The following XPNPEP1 variants were observed in gnomAD, a reference collection of about 807,000 sequenced individuals.
The protein encoded by XPNPEP1 is xaa-Pro aminopeptidase 1.
A neutral mutation model predicts 92.4 loss-of-function variants in XPNPEP1; 39 were observed. The observed-to-expected ratio is 0.42, with a 90% confidence interval of 0.33 to 0.55. The LOEUF (loss-of-function observed/expected upper bound fraction) is 0.55, where lower values mean the gene tolerates loss of function less well. Ranked by LOEUF, XPNPEP1 falls within the 20% of genes least tolerant of loss-of-function variation. The pLI is 0.08. For synonymous variants in XPNPEP1, 307 were observed against 299.4 expected, an observed-to-expected ratio of 1.03 and a Z score of -0.26; for missense variants, 654 against 856.1, an observed-to-expected ratio of 0.76 and a Z score of 2.95.
At chr10:109,899,458 G>A (rs964622825) in intron 3 of XPNPEP1, among the ~76,000 whole-genome samples, 1 of 152,084 alleles carries the variant, frequency 6.6e-6, no homozygotes, top group African/African-American at 2.4e-5. Context: ...CACCAACCAG[G>A]AACACCCACT....
chr10:109,922,812 C>A (rs1401889210), intron 1 of XPNPEP1, among the ~76,000 whole-genome samples: 1 of 152,224 alleles, frequency 6.6e-6, no homozygotes, highest in Non-Finnish European at 1.5e-5. Flanking sequence ...CCCTCCTATG[C>A]CCAAGGAGAG....
intron 10 of XPNPEP1, among the ~76,000 whole-genome samples, chr10:109,881,446 G>T (rs901697967): frequency 4.6e-5 from 7 of 152,288 alleles, no homozygotes; most frequent in African/African-American, 1.7e-4. Context: ...TTTCCAATTT[G>T]AGAACAAGTT....
intron 17 of XPNPEP1, 56 bp downstream of exon 17, chr10:109,871,736 T>C (rs1230638074): frequency 6.3e-7 from 1 of 1,575,244 alleles, no homozygotes. Flanking sequence ...AACATAGACA[T>C]ATTTGATTCT....
intron 12 of XPNPEP1, among the ~76,000 whole-genome samples, chr10:109,879,431 G>A (rs569041044): frequency 8.3e-4 from 126 of 151,216 alleles, no homozygotes; most frequent in African/African-American, 2.9e-3. Context: ...TTAGCCAGGC[G>A]CAGTGGCAGG....
At chr10:109,875,728 A>G (rs770223358) in intron 14 of XPNPEP1, 129 bp from the exon 15 acceptor site, 1 of 662,854 alleles carries the variant, frequency 1.5e-6, no homozygotes, top group Non-Finnish European at 2.5e-6. Flanking sequence ...ATCAAAATAG[A>G]AAGTTATGCA....
In XPNPEP1 at chr10:109,872,499, G is replaced by A. The variant is rs148434566; in HGVS notation, c.1453-638C>T. 6.0e-4 allele frequency among the ~76,000 whole-genome samples: 91 copies of A among 152,346 alleles called. 1 individual carries two copies. The highest frequency in any genetic ancestry group is 2.0e-3 in the African/African-American group (82 of 41,586). Reference sequence around the variant, plus strand: ...AAACTCCATGCTCCTCAGCCTGGTTGAGCTCTTTGAAAAGCACAAAAAGAG... The same window carrying A: ...AAACTCCATGCTCCTCAGCCTGGTTAAGCTCTTTGAAAAGCACAAAAAGAG... On this transcript the variant is annotated intron_variant, in intron 16 of 20. Transcript: ENST00000502935.
chr10:109,923,486 C>G lies in XPNPEP1; in HGVS notation c.-53G>C. On this transcript the variant is annotated 5_prime_UTR_variant, in exon 1 of 21. Transcript: ENST00000502935. ...CAGGGGAGCGCAGACCAGCTGATCA[C>G]CCGCGGAAGGGCCGGCGCGAAGGAG... 1.5e-6 allele frequency: 2 copies of G among 1,340,276 alleles called. 1 individual carries two copies. The highest frequency in any genetic ancestry group is 5.9e-5 in the Admixed American group (2 of 33,828). The allele number at this position is 1,340,276 out of a possible 1,614,324, so 83.0% of individuals were successfully genotyped here.
intron 3 of XPNPEP1, among the ~76,000 whole-genome samples, chr10:109,901,318 GT>G (rs1275449866): frequency 8.6e-5 from 13 of 151,314 alleles, no homozygotes; most frequent in African/African-American, 2.9e-4. Flanking sequence ...TAAATGATGA[GT>G]TAATGGGTGC....
At chr10:109,874,112 G>A (rs1410007524) in intron 15 of XPNPEP1, among the ~76,000 whole-genome samples, 3 of 152,202 alleles carry the variant, frequency 2.0e-5, no homozygotes, top group African/African-American at 7.2e-5. Context: ...TTTTAAGTGG[G>A]TGAATTACAT....
intron 1 of XPNPEP1, among the ~76,000 whole-genome samples, chr10:109,921,356 T>C (rs1359697315): frequency 6.6e-6 from 1 of 152,204 alleles, no homozygotes; most frequent in African/African-American, 2.4e-5. Flanking sequence ...TTCTTCGACC[T>C]ACACCTTCTC....
At chr10:109,911,393 A>T (rs1438507732) in intron 2 of XPNPEP1, among the ~76,000 whole-genome samples, 2 of 152,132 alleles carry the variant, frequency 1.3e-5, no homozygotes, top group Non-Finnish European at 2.9e-5. Context: ...CTACAGGTAC[A>T]CACCACCACA....
At chr10:109,893,108 C>T (rs368689037) in intron 3 of XPNPEP1, 33 bp from the exon 4 acceptor site, 1 of 1,600,990 alleles carries the variant, frequency 6.2e-7, no homozygotes, top group Non-Finnish European at 8.5e-7. Flanking sequence ...AAGTGGGCCT[C>T]GATCAGTCAT....
intron 13 of XPNPEP1, 29 bp downstream of exon 13, chr10:109,877,971 C>T: frequency 6.2e-7 from 1 of 1,614,216 alleles, no homozygotes; most frequent in Middle Eastern, 1.6e-4. Flanking sequence ...CAGCACGAGG[C>T]TCCTGGGTCC....
chr10:109,913,099 A>G (rs1849970853), intron 2 of XPNPEP1, among the ~76,000 whole-genome samples: 1 of 152,254 alleles, frequency 6.6e-6, no homozygotes, highest in East Asian at 1.9e-4. Context: ...ATTAGCCCAT[A>G]CACTGCCAGG....
rs746538936 is a variant in XPNPEP1, at chr10:109,881,557, A to T, written c.1042-626T>A. Among the ~76,000 whole-genome samples the T allele has an allele frequency of 3.3e-5, 5 of 152,254 alleles. No individual in the cohort carries two copies. The East Asian group carries it at 5.8e-4, about 18-fold the overall frequency. On this transcript the variant is annotated intron_variant, in intron 10 of 20. Transcript: ENST00000502935. Reference sequence around the variant, plus strand: ...CTTTTCTCTTTCTCTCCAGAGAGAGAGGAGAGAGAGAGAGGAGGAGTCACA... The same window carrying T: ...CTTTTCTCTTTCTCTCCAGAGAGAGTGGAGAGAGAGAGAGGAGGAGTCACA...
intron 2 of XPNPEP1, among the ~76,000 whole-genome samples, chr10:109,914,496 C>T (rs1227968433): frequency 1.3e-5 from 2 of 151,954 alleles, no homozygotes; most frequent in East Asian, 3.9e-4. Context: ...AACTTACTAC[C>T]TTAAAAAAAA....
chr10:109,913,526 A>C (rs550867270), intron 2 of XPNPEP1, among the ~76,000 whole-genome samples: 4 of 152,356 alleles, frequency 2.6e-5, no homozygotes, highest in African/African-American at 9.6e-5. Context: ...AGGGCTTTAC[A>C]TACATTAGTG....
At chr10:109,907,902 C>T (rs1352871365) in intron 2 of XPNPEP1, 87 bp from the exon 3 acceptor site, 1 of 1,561,144 alleles carries the variant, frequency 6.4e-7, no homozygotes, top group African/African-American at 1.3e-5. Context: ...AGAGAAGTGC[C>T]TTCTACGTTC....
chr10:109,896,432 CCTT>C (rs1848995844), intron 3 of XPNPEP1, among the ~76,000 whole-genome samples: 1 of 73,076 alleles, frequency 1.4e-5, no homozygotes, highest in Non-Finnish European at 2.7e-5. Flanking sequence ...CAGGCACACA[CCTT>C]TTTTTTTTTT....
Sources: allele counts gnomAD v4.1 joint callset (sites outside exome capture counted in the v4.1 genomes callset), GRCh38; gene constraint gnomAD v4.1.1; transcripts MANE v1.5; gene names NCBI Gene and HGNC (gene_info 2026-07-23, HGNC 2026-07-21).